The following AGPS variants were observed in gnomAD, a reference collection of about 807,000 sequenced individuals.
The protein encoded by AGPS is alkyldihydroxyacetonephosphate synthase, peroxisomal.
In AGPS, 26 loss-of-function variants were observed where a neutral mutation model predicts 90.7. The ratio of observed to expected loss-of-function variants is 0.29; its 90% CI spans 0.21 to 0.40. The LOEUF (loss-of-function observed/expected upper bound fraction) is 0.40. Among genes scored for constraint, AGPS ranks in the 10% least tolerant of loss-of-function variants. The pLI is 1.00. For synonymous variants in AGPS, 294 were observed against 285.3 expected (o/e 1.03, Z -0.31); for missense variants, 540 against 816.1 (o/e 0.66, Z 4.12).
chr2:177,392,931 C>G lies in AGPS; in HGVS notation c.142C>G (p.Arg48Gly), dbSNP rs1484968124. 2.6e-6 allele frequency: 4 copies of G among 1,550,016 alleles called. No homozygotes were observed. The highest frequency in any genetic ancestry group is 3.5e-6 in the Non-Finnish European group (4 of 1,146,782). Reference sequence around the variant, plus strand: ...GGTTCTCTCTGGCCATCTGCTGGGCCGGCCCCGGGAGGCTCTGAGTACCAA... The same window carrying G: ...GGTTCTCTCTGGCCATCTGCTGGGCGGGCCCCGGGAGGCTCTGAGTACCAA... ...LRVLSGHLLG[R>G]PREALSTNEC... Residue 48 changes from arginine (R) to glycine (G), a missense_variant, in exon 1 of 20, where the codon CGG (arginine) becomes GGG (glycine). By Grantham distance (125) the Arg-to-Gly change is moderately radical. This residue lies in a region of AGPS where 135 missense variants were observed against 124.0 expected (regional missense o/e 1.09). Coordinates refer to ENST00000264167, the MANE Select transcript of AGPS (RefSeq NM_003659.4).
chr2:177,542,884 T>C lies in AGPS; in HGVS notation c.*4689T>C, dbSNP rs1248424665. 2 of 151,964 alleles carry C rather than the reference T, an allele frequency of 1.3e-5. No homozygotes were observed. The highest frequency in any genetic ancestry group is 2.9e-5 in the Non-Finnish European group (2 of 67,986). The allele number at this position is 151,964 out of a possible 1,614,324, so 9.4% of individuals were successfully genotyped here. ...TGAACTAGCCATTATTTTAAATGAGTGGGAGAGGGTAAGTCTTTAGACAGA... is the reference window on the plus strand; with the variant it reads ...TGAACTAGCCATTATTTTAAATGAGCGGGAGAGGGTAAGTCTTTAGACAGA... On this transcript the variant is annotated 3_prime_UTR_variant, in exon 20 of 20. Coordinates refer to ENST00000264167, the MANE Select transcript of AGPS (RefSeq NM_003659.4).
intron 2 of AGPS, among the ~76,000 whole-genome samples, chr2:177,422,799 C>G (rs1292507771): frequency 1.3e-5 from 2 of 152,160 alleles, no homozygotes; most frequent in African/African-American, 4.8e-5. Context: ...TTCTCTATAT[C>G]TAGTCTGTTT....
chr2:177,399,649 A>G lies in AGPS; in HGVS notation c.260+6600A>G, dbSNP rs189579497. Among the ~76,000 whole-genome samples the G allele has an allele frequency of 1.4e-4, 22 of 152,316 alleles. No homozygotes were observed. In the East Asian group the frequency reaches 4.2e-3, roughly 29 times the overall value. ...AACACATGCTACCAAAACAGTAGAG[A>G]GAGAACTTACAGCATAATTAACTTT... On this transcript the variant is annotated intron_variant, in intron 1 of 19. Coordinates refer to ENST00000264167, the MANE Select transcript of AGPS (RefSeq NM_003659.4).
At chr2:177,501,710 C>T (rs886877318) in intron 14 of AGPS, among the ~76,000 whole-genome samples, 1 of 152,124 alleles carries the variant, frequency 6.6e-6, no homozygotes, top group Non-Finnish European at 1.5e-5. Flanking sequence ...CTCTGTCACC[C>T]AGGCTGGAGT....
chr2:177,407,235 A>C (rs1260466122), intron 1 of AGPS, among the ~76,000 whole-genome samples: 2 of 152,228 alleles, frequency 1.3e-5, no homozygotes, highest in Non-Finnish European at 2.9e-5. Flanking sequence ...TTATAGTGTT[A>C]TGCAATACTG....
intron 8 of AGPS, among the ~76,000 whole-genome samples, chr2:177,446,214 C>T (rs912500491): frequency 1.6e-4 from 25 of 151,744 alleles, no homozygotes; most frequent in Admixed American, 5.9e-4. Flanking sequence ...AGTGCAGTGA[C>T]GTGATCTCGG....
intron 19 of AGPS, among the ~76,000 whole-genome samples, chr2:177,532,948 A>G (rs1213121957): frequency 1.3e-5 from 2 of 152,172 alleles, no homozygotes; most frequent in African/African-American, 2.4e-5. Context: ...AAGAGTAAAA[A>G]AAAGATTAGT....
In AGPS at chr2:177,542,859, T is replaced by G. The variant is rs1056314156; in HGVS notation, c.*4664T>G. 1.3e-5 allele frequency: 2 copies of G among 152,102 alleles called. No homozygotes were observed. Among genetic ancestry groups the G allele is most frequent in the African/African-American group, 4.8e-5 (2 of 41,398 alleles). 9.4% of individuals were successfully genotyped at this position (152,102 alleles called of 1,614,324 possible). ...GCCTTGTTGGGATTTTTTTTTTCCATGAACTAGCCATTATTTTAAATGAGT... is the reference window on the plus strand; with the variant it reads ...GCCTTGTTGGGATTTTTTTTTTCCAGGAACTAGCCATTATTTTAAATGAGT... On this transcript the variant is annotated 3_prime_UTR_variant, in exon 20 of 20. Coordinates refer to ENST00000264167, the MANE Select transcript of AGPS (RefSeq NM_003659.4).
rs796803032 is a variant in AGPS, at chr2:177,431,100, G to C, written c.351-3227G>C. 3.9e-5 allele frequency among the ~76,000 whole-genome samples: 6 copies of C among 152,256 alleles called. No homozygotes were observed. In the East Asian group the frequency reaches 1.2e-3, roughly 29 times the overall value. On this transcript the variant is annotated intron_variant, in intron 2 of 19. Coordinates refer to ENST00000264167, the MANE Select transcript of AGPS (RefSeq NM_003659.4). ...AACATAGGTTCTATTTTCCCTAAGT[G>C]TCGGCTGGTCTGAGAAATAAACAGA...
chr2:177,445,497 A>C (rs1404831249), intron 7 of AGPS, 49 bp from the exon 8 acceptor site: 1 of 1,454,458 alleles, frequency 6.9e-7, no homozygotes, highest in Non-Finnish European at 9.7e-7. Flanking sequence ...TTTCCTGAGA[A>C]AATATTAGTA....
At chr2:177,504,160 G>A (rs1688640118) in intron 14 of AGPS, among the ~76,000 whole-genome samples, 2 of 152,206 alleles carry the variant, frequency 1.3e-5, no homozygotes, top group Admixed American at 6.5e-5. Context: ...GGTTCAGGAT[G>A]GATGAACTGT....
chr2:177,455,582 C>G (rs1198505096), intron 8 of AGPS, among the ~76,000 whole-genome samples: 2 of 152,086 alleles, frequency 1.3e-5, no homozygotes, highest in African/African-American at 4.8e-5. Flanking sequence ...GTGTGAGCCA[C>G]CATGCCTGGC....
chr2:177,439,392 G>A (rs1574368483), intron 5 of AGPS, among the ~76,000 whole-genome samples: 1 of 152,094 alleles, frequency 6.6e-6, no homozygotes, highest in East Asian at 1.9e-4. Flanking sequence ...AGATAACATG[G>A]TTAAGGAAGG....
At chr2:177,501,823 A>C (rs1469301200) in intron 14 of AGPS, among the ~76,000 whole-genome samples, 1 of 152,082 alleles carries the variant, frequency 6.6e-6, no homozygotes, top group Non-Finnish European at 1.5e-5. Context: ...TCATGCCACC[A>C]CGCCTGGCTA....
intron 11 of AGPS, among the ~76,000 whole-genome samples, chr2:177,483,523 G>C (rs895576490): frequency 4.6e-5 from 7 of 152,188 alleles, no homozygotes; most frequent in Admixed American, 2.6e-4. Flanking sequence ...CTCCTGGGTA[G>C]GGAGAGGATT....
At chr2:177,397,198 A>G (rs993778112) in intron 1 of AGPS, among the ~76,000 whole-genome samples, 1 of 152,022 alleles carries the variant, frequency 6.6e-6, no homozygotes, top group African/African-American at 2.4e-5. Flanking sequence ...CAGACTCTCA[A>G]AGTGCTAGGA....
At chr2:177,458,402 C>T (rs1295122546) in intron 8 of AGPS, among the ~76,000 whole-genome samples, 1 of 152,010 alleles carries the variant, frequency 6.6e-6, no homozygotes, top group African/African-American at 2.4e-5. Flanking sequence ...GTCAAATTGT[C>T]TCTGTTTGCA....
intron 10 of AGPS, among the ~76,000 whole-genome samples, chr2:177,469,526 A>G (rs1392652305): frequency 6.6e-6 from 1 of 152,154 alleles, no homozygotes; most frequent in Non-Finnish European, 1.5e-5. Flanking sequence ...AAGATATCTC[A>G]CCAGTTTACT....
At position 177,420,263 on chromosome 2, in the gene AGPS, C is replaced by T. The variant is rs780856707; in HGVS notation, c.261-6C>T. ...GTCTCACTTATATATATTTTCTTCTCACTAGGCAAGAAGTTATGAAATGGA... is the reference window on the plus strand; with the variant it reads ...GTCTCACTTATATATATTTTCTTCTTACTAGGCAAGAAGTTATGAAATGGA... On this transcript the variant is annotated splice_polypyrimidine_tract_variant and splice_region_variant and intron_variant, in intron 1 of 19. Coordinates refer to ENST00000264167, the MANE Select transcript of AGPS (RefSeq NM_003659.4). 1.9e-6 allele frequency: 3 copies of T among 1,583,352 alleles called. No homozygotes were observed. The highest frequency in any genetic ancestry group is 4.5e-5 in the East Asian group (2 of 44,538).
Sources: allele counts gnomAD v4.1 joint callset (sites outside exome capture counted in the v4.1 genomes callset), GRCh38; gene constraint gnomAD v4.1.1; regional missense constraint gnomAD v4.1.1; transcripts MANE v1.5; gene names NCBI Gene and HGNC (gene_info 2026-07-23, HGNC 2026-07-21).